Variants in ROR2 observed in about 807,000 individuals in gnomAD.
ROR2 encodes ROR family WNT receptor 2, also known as tyrosine-protein kinase transmembrane receptor ROR2.
ROR2 carries 33 observed loss-of-function variants against 74.9 expected under a neutral mutation model. The ratio of observed to expected loss-of-function variants is 0.44; its 90% CI spans 0.33 to 0.59. The LOEUF (loss-of-function observed/expected upper bound fraction) is 0.59, where lower values mean the gene tolerates loss of function less well. Among genes scored for constraint, ROR2 ranks in the 20% least tolerant of loss-of-function variants. The probability of loss-of-function intolerance (pLI) is 0.02; values close to 1 mark genes in which losing one functional copy is unlikely to be tolerated. For synonymous variants in ROR2, 586 were observed against 558.7 expected (o/e 1.05, Z -0.69); for missense variants, 1,216 against 1,313.8 (o/e 0.93, Z 1.15).
At chr9:91,814,395 G>A (rs771689526) in intron 1 of ROR2, among the ~76,000 whole-genome samples, 1 of 152,062 alleles carries the variant, frequency 6.6e-6, no homozygotes, top group South Asian at 2.1e-4. Context: ...CTTACCCCAC[G>A]CACACTCCAG....
At chr9:91,909,241 T>C (rs2119441956) in intron 1 of ROR2, among the ~76,000 whole-genome samples, 1 of 152,132 alleles carries the variant, frequency 6.6e-6, no homozygotes, top group Middle Eastern at 3.4e-3. Flanking sequence ...AGGAGTGGGG[T>C]GCATGATGCA....
At chr9:91,909,513 A>AT (rs36122642) in intron 1 of ROR2, among the ~76,000 whole-genome samples, 14,561 of 136,210 alleles carry the variant, frequency 0.11, 1,578 homozygotes, top group African/African-American at 0.28. Flanking sequence ...CATCCAACTA[A>AT]TTTTTTTTTT....
At chr9:91,945,006 G>A (rs540693757) in intron 1 of ROR2, among the ~76,000 whole-genome samples, 67 of 151,942 alleles carry the variant, frequency 4.4e-4, no homozygotes, top group African/African-American at 1.6e-3. Flanking sequence ...AGCCCAGGAG[G>A]TTAAGGCCAG....
intron 1 of ROR2, among the ~76,000 whole-genome samples, chr9:91,812,131 T>C (rs73513289): frequency 0.2 from 30,512 of 151,928 alleles, 6,437 homozygotes; most frequent in African/African-American, 0.52. Context: ...CATTCAAAGC[T>C]ATCCTTGGCC....
intron 1 of ROR2, among the ~76,000 whole-genome samples, chr9:91,830,976 T>G (rs1048992330): frequency 3.5e-4 from 53 of 152,074 alleles, no homozygotes; most frequent in Non-Finnish European, 3.1e-4. Context: ...CTTAAAAAAT[T>G]TGTGGCTGGG....
At chr9:91,744,852 G>A (rs898926721) in intron 4 of ROR2, among the ~76,000 whole-genome samples, 1 of 152,188 alleles carries the variant, frequency 6.6e-6, no homozygotes, top group Non-Finnish European at 1.5e-5. Flanking sequence ...ACGCTGTTCA[G>A]GTGGCTAGTC....
chr9:91,774,398 T>C (rs1349989399), intron 2 of ROR2, among the ~76,000 whole-genome samples: 1 of 152,210 alleles, frequency 6.6e-6, no homozygotes, highest in Non-Finnish European at 1.5e-5. Flanking sequence ...TGTTATGGAC[T>C]GAGCAGTGGT....
chr9:91,829,720 G>A (rs145645005), intron 1 of ROR2, among the ~76,000 whole-genome samples: 114 of 152,278 alleles, frequency 7.5e-4, no homozygotes, highest in Admixed American at 1.5e-3. Flanking sequence ...TGGACCAGCT[G>A]ACGCCTTCCT....
intron 1 of ROR2, among the ~76,000 whole-genome samples, chr9:91,945,575 T>C (rs891879155): frequency 2.0e-5 from 3 of 152,232 alleles, no homozygotes; most frequent in Non-Finnish European, 2.9e-5. Flanking sequence ...AGGACCAAGC[T>C]ACTTAGTCGA....
At chr9:91,810,936 A>G (rs764714976) in intron 1 of ROR2, among the ~76,000 whole-genome samples, 6 of 152,248 alleles carry the variant, frequency 3.9e-5, no homozygotes, top group Non-Finnish European at 8.8e-5. Context: ...GGAAGGTACA[A>G]GGACAAGTGG....
At chr9:91,853,576 CGAG>C (rs1433372770) in intron 1 of ROR2, among the ~76,000 whole-genome samples, 1 of 152,096 alleles carries the variant, frequency 6.6e-6, no homozygotes, top group Non-Finnish European at 1.5e-5. Flanking sequence ...TCTGAAGCCC[CGAG>C]GAGTAGTATC....
At chr9:91,873,138 T>C (rs1419111014) in intron 1 of ROR2, among the ~76,000 whole-genome samples, 1 of 152,172 alleles carries the variant, frequency 6.6e-6, no homozygotes, top group Non-Finnish European at 1.5e-5. Flanking sequence ...GGATACACAG[T>C]GTCAACATTG....
At chr9:91,758,791 G>A (rs965983904) in intron 2 of ROR2, among the ~76,000 whole-genome samples, 7 of 152,228 alleles carry the variant, frequency 4.6e-5, no homozygotes, top group African/African-American at 1.7e-4. Context: ...GAGTATGCAT[G>A]TGTGGTGTTT....
At chr9:91,827,666 T>C (rs1288675976) in intron 1 of ROR2, among the ~76,000 whole-genome samples, 1 of 152,184 alleles carries the variant, frequency 6.6e-6, no homozygotes, top group Non-Finnish European at 1.5e-5. Flanking sequence ...ACTGGTCCAA[T>C]GTACAGATCA....
At chr9:91,837,513 C>T (rs986043107) in intron 1 of ROR2, among the ~76,000 whole-genome samples, 7 of 152,184 alleles carry the variant, frequency 4.6e-5, no homozygotes, top group African/African-American at 1.7e-4. Context: ...CGGGGAGAAG[C>T]CTTGCCATAT....
intron 1 of ROR2, among the ~76,000 whole-genome samples, chr9:91,855,231 T>G (rs1462041240): frequency 6.6e-6 from 1 of 152,170 alleles, no homozygotes; most frequent in Non-Finnish European, 1.5e-5. Context: ...GCTGGATTGC[T>G]AATAGTTGCT....
chr9:91,833,160 C>A (rs1216661346), intron 1 of ROR2, among the ~76,000 whole-genome samples: 1 of 152,188 alleles, frequency 6.6e-6, no homozygotes, highest in Non-Finnish European at 1.5e-5. Context: ...AGGGTGGCTG[C>A]AGATGCGTCA....
At chr9:91,922,804 CT>C (rs1301682152) in intron 1 of ROR2, among the ~76,000 whole-genome samples, 3 of 152,072 alleles carry the variant, frequency 2.0e-5, no homozygotes, top group Non-Finnish European at 4.4e-5. Flanking sequence ...AACCTGTCGA[CT>C]CCTCAGTGTC....
intron 6 of ROR2, among the ~76,000 whole-genome samples, chr9:91,732,342 G>A (rs1837271742): frequency 6.6e-6 from 1 of 152,144 alleles, no homozygotes; most frequent in South Asian, 2.1e-4. Context: ...CACAACTTGG[G>A]GTTTACTAAG....
Sources: allele counts gnomAD v4.1 joint callset (sites outside exome capture counted in the v4.1 genomes callset), GRCh38; gene constraint gnomAD v4.1.1; transcripts MANE v1.5; gene names NCBI Gene and HGNC (gene_info 2026-07-23, HGNC 2026-07-21).